VWA8: variants seen among roughly 807,000 people sequenced by gnomAD.
The protein encoded by VWA8 is von Willebrand factor A domain containing 8, also known as von Willebrand factor A domain-containing protein 8.
A neutral mutation model predicts 241.5 loss-of-function variants in VWA8; 221 were observed. The observed-to-expected ratio is 0.91, with a 90% CI of 0.82 to 1.02. The LOEUF (loss-of-function observed/expected upper bound fraction) is 1.02. Among genes scored for constraint, VWA8 ranks in the 50% least tolerant of loss-of-function variants. The pLI, the probability that VWA8 is intolerant of heterozygous loss-of-function variation, is 0.00. For missense variants in VWA8, 2,322 were observed against 2,328.7 expected, an observed-to-expected ratio of 1.00 and a Z score of 0.06; for synonymous variants, 852 against 827.1, an observed-to-expected ratio of 1.03 and a Z score of -0.52.
chr13:41,785,464 T>TC (rs796347466), intron 18 of VWA8, among the ~76,000 whole-genome samples: 1 of 152,172 alleles, frequency 6.6e-6, no homozygotes, highest in South Asian at 2.1e-4. Flanking sequence ...TTTTTTTTTT[T>TC]CTACTTCAAG....
At chr13:41,759,072 A>G (rs2045720314) in intron 21 of VWA8, among the ~76,000 whole-genome samples, 1 of 151,774 alleles carries the variant, frequency 6.6e-6, no homozygotes, top group African/African-American at 2.4e-5. Flanking sequence ...ACATTTGTTA[A>G]AAATTTTTGC....
chr13:41,727,685 A>C (rs982542269), intron 23 of VWA8, among the ~76,000 whole-genome samples: 1 of 152,202 alleles, frequency 6.6e-6, no homozygotes, highest in Admixed American at 6.5e-5. Flanking sequence ...GGAATAGCTA[A>C]AGGATAAGTT....
intron 35 of VWA8, 36 bp downstream of exon 35, chr13:41,685,011 C>T (rs778342535): frequency 3.8e-6 from 6 of 1,580,648 alleles, no homozygotes; most frequent in East Asian, 2.2e-5. Context: ...CTTTAAACCA[C>T]CTTTGTAAAT....
Position 41,729,543 on chromosome 13 carries a change from T to C in VWA8, c.2637A>G (p.Ala879=), listed in dbSNP as rs1383514119. 6.2e-7 allele frequency: 1 copy of C among 1,610,222 alleles called. No homozygotes were observed. The highest frequency in any genetic ancestry group is 2.2e-5 in the East Asian group (1 of 44,738). Residue 879 remains alanine (A), a splice_region_variant and synonymous_variant, in exon 23 of 45, where the codon GCA becomes GCG. Transcript: ENST00000379310. ...MILADGRRIV[A]NSANVNGREN... ...AACATTGCTTTCTAAAATACTCACTTGCAACAATGCGTCTTCCATCTGCTA... is the reference window on the plus strand; with the variant it reads ...AACATTGCTTTCTAAAATACTCACTCGCAACAATGCGTCTTCCATCTGCTA...
At position 41,884,523 on chromosome 13, in the gene VWA8, TAC is replaced by T. The variant is rs199529745; in HGVS notation, c.976-1034_976-1033del. Reference sequence around the variant, plus strand: ...TCATAGCAGCGGGAGAACGAACTGATACACACACTGAAGTATTTAAGAGTACT... The same window carrying T: ...TCATAGCAGCGGGAGAACGAACTGATACACACTGAAGTATTTAAGAGTACT... On this transcript the variant is annotated intron_variant, in intron 8 of 44. Coordinates refer to ENST00000379310, the MANE Select transcript of VWA8 (RefSeq NM_015058.2). 9.1e-3 allele frequency among the ~76,000 whole-genome samples: 1,376 copies of T among 151,428 alleles called. 32 individuals are homozygous for T. Among genetic ancestry groups the T allele is most frequent in the African/African-American group, 0.03 (1,240 of 41,322 alleles).
intron 25 of VWA8, among the ~76,000 whole-genome samples, chr13:41,720,924 T>C (rs2045384824): frequency 6.6e-6 from 1 of 152,210 alleles, no homozygotes; most frequent in Non-Finnish European, 1.5e-5. Context: ...CTCTATCTTG[T>C]GAAACTTCCT....
At chr13:41,590,927 CAAAT>C (rs1394884965) in intron 40 of VWA8, among the ~76,000 whole-genome samples, 162 bp from the exon 41 acceptor site, 1 of 152,140 alleles carries the variant, frequency 6.6e-6, no homozygotes, top group African/African-American at 2.4e-5. Context: ...GCTCTGCTGA[CAAAT>C]AAATGCCCTT....
At chr13:41,721,682 T>C (rs1039047534) in intron 24 of VWA8, 107 bp from the exon 25 acceptor site, 2 of 1,186,244 alleles carry the variant, frequency 1.7e-6, no homozygotes, top group East Asian at 2.4e-5. Context: ...CATCAAAGCA[T>C]AGAAAGCCCA....
intron 17 of VWA8, among the ~76,000 whole-genome samples, chr13:41,797,304 T>A (rs530750140): frequency 1.1e-3 from 174 of 151,632 alleles, no homozygotes; most frequent in Middle Eastern, 6.8e-3. Context: ...CCTCCCAAAG[T>A]GCTGGGATTA....
At chr13:41,765,202 A>C (rs1387545905) in intron 20 of VWA8, among the ~76,000 whole-genome samples, 1 of 152,102 alleles carries the variant, frequency 6.6e-6, no homozygotes, top group Non-Finnish European at 1.5e-5. Flanking sequence ...TAGTTATAAA[A>C]GGCAGTTTAA....
chr13:41,799,995 G>A (rs1159293597), intron 17 of VWA8, among the ~76,000 whole-genome samples: 1 of 152,088 alleles, frequency 6.6e-6, no homozygotes, highest in Non-Finnish European at 1.5e-5. Context: ...TGTCTCTATG[G>A]ATTTGCTCTA....
chr13:41,609,120 G>T (rs982940120), intron 39 of VWA8, among the ~76,000 whole-genome samples: 1 of 152,144 alleles, frequency 6.6e-6, no homozygotes, highest in Non-Finnish European at 1.5e-5. Context: ...AGGTCCTGGG[G>T]TTATACTAGA....
chr13:41,868,198 A>G (rs113712150), intron 10 of VWA8, 148 bp downstream of exon 10: 7 of 831,236 alleles, frequency 8.4e-6, no homozygotes, highest in African/African-American at 1.8e-5. Flanking sequence ...ATAAGCACAC[A>G]TGACTCTGGA....
intron 37 of VWA8, among the ~76,000 whole-genome samples, chr13:41,629,689 C>G (rs1593661102): frequency 6.6e-6 from 1 of 152,196 alleles, no homozygotes; most frequent in Non-Finnish European, 1.5e-5. Flanking sequence ...GGCTAAATAA[C>G]AACAACAAAA....
intron 4 of VWA8, among the ~76,000 whole-genome samples, chr13:41,905,949 A>G (rs548196763): frequency 6.6e-4 from 101 of 152,186 alleles, no homozygotes; most frequent in African/African-American, 2.3e-3. Context: ...GTAATCTATG[A>G]AGTGAACTTT....
chr13:41,666,828 C>T (rs2044989727), intron 37 of VWA8, among the ~76,000 whole-genome samples: 1 of 152,146 alleles, frequency 6.6e-6, no homozygotes, highest in African/African-American at 2.4e-5. Context: ...GATCATCTTG[C>T]TGAAACCCAG....
chr13:41,608,017 C>T (rs2044563839), intron 39 of VWA8, among the ~76,000 whole-genome samples: 1 of 151,924 alleles, frequency 6.6e-6, no homozygotes, highest in African/African-American at 2.4e-5. Flanking sequence ...TAGGTGTATA[C>T]ACAAATACAA....
At chr13:41,953,255 A>C (rs1878215189) in intron 1 of VWA8, among the ~76,000 whole-genome samples, 3 of 152,258 alleles carry the variant, frequency 2.0e-5, no homozygotes, top group Admixed American at 6.5e-5. Flanking sequence ...GGAAAACATT[A>C]TTAATCACTT....
intron 5 of VWA8, among the ~76,000 whole-genome samples, chr13:41,889,409 C>T (rs1277055814): frequency 1.3e-5 from 2 of 150,218 alleles, no homozygotes; most frequent in Non-Finnish European, 2.9e-5. Context: ...GACAGAGTCT[C>T]GCTCCCTCAC....
Sources: gnomAD v4.1 joint callset for allele counts (sites outside exome capture counted in the v4.1 genomes callset) on GRCh38, gnomAD v4.1.1 for gene constraint, MANE v1.5 for transcripts, NCBI Gene and HGNC (gene_info 2026-07-23, HGNC 2026-07-21) for gene names.